DNAH11: variants seen among roughly 807,000 people sequenced by gnomAD.
DNAH11 encodes dynein axonemal heavy chain 11.
Under a neutral mutation model 526.0 loss-of-function variants are expected in DNAH11, and 442 were observed. The observed-to-expected ratio is 0.84, with a 90% CI of 0.78 to 0.91. The LOEUF is 0.91. Ranked by LOEUF, DNAH11 falls within the 40% of genes least tolerant of loss-of-function variation. The pLI, the probability that DNAH11 is intolerant of heterozygous loss-of-function variation, is 0.00. For missense variants in DNAH11, 6,989 were observed against 5,448.7 expected, an observed-to-expected ratio of 1.28 and a Z score of -8.90; for synonymous variants, 2,461 against 1,935.9, an observed-to-expected ratio of 1.27 and a Z score of -7.12.
Position 21,599,919 on chromosome 7 carries a change from A to G in DNAH11, c.2800A>G (p.Thr934Ala). 2 of 1,613,730 alleles carry G rather than the reference A, an allele frequency of 1.2e-6. No individual in the cohort carries two copies. The highest frequency in any genetic ancestry group is 1.6e-4 in the Middle Eastern group (1 of 6,062). Residue 934 changes from threonine to alanine, a missense_variant, in exon 15 of 82, where the codon ACA (threonine) becomes GCA (alanine). Coordinates refer to ENST00000409508, the MANE Select transcript of DNAH11 (RefSeq NM_001277115.2). ...MHDLDFFLKN[T>A]EKQLKPAPFF... ...CGACTTAGACTTCTTTCTGAAGAAT[A>G]CAGAGAAACAATTGAAACCGGCACC...
At chr7:21,662,705 C>T (rs570274630) in intron 30 of DNAH11, among the ~76,000 whole-genome samples, 136 of 152,062 alleles carry the variant, frequency 8.9e-4, no homozygotes, top group Middle Eastern at 3.2e-3. Context: ...ACCTCTTGAA[C>T]TTATTCCTCC....
intron 8 of DNAH11, among the ~76,000 whole-genome samples, chr7:21,579,151 A>G (rs1034874422): frequency 6.6e-6 from 1 of 152,192 alleles, no homozygotes; most frequent in Non-Finnish European, 1.5e-5. Flanking sequence ...AAGTCAAACC[A>G]TGGCTTTTCT....
intron 63 of DNAH11, among the ~76,000 whole-genome samples, chr7:21,815,079 G>C (rs1010115986): frequency 1.3e-5 from 2 of 152,070 alleles, no homozygotes; most frequent in Non-Finnish European, 2.9e-5. Context: ...CAGGAAAAAA[G>C]GGGGAGATTG....
Position 21,571,800 on chromosome 7 carries a change from A to G in DNAH11, c.1426-6A>G, listed in dbSNP as rs555085923. The G allele has an allele frequency of 1.2e-6, 2 of 1,601,724 alleles. No individual in the cohort carries two copies. The highest frequency in any genetic ancestry group is 1.7e-6 in the Non-Finnish European group (2 of 1,175,500). On this transcript the variant is annotated splice_region_variant and splice_polypyrimidine_tract_variant and intron_variant, in intron 7 of 81. Coordinates refer to ENST00000409508, the MANE Select transcript of DNAH11 (RefSeq NM_001277115.2). ...TGGAAAGGTCTTTACTGTGTTTTTT[A>G]CAAAGGATATATTTGCCACCACTTT...
chr7:21,647,135 G>A (rs920138076), intron 28 of DNAH11, among the ~76,000 whole-genome samples: 3 of 152,126 alleles, frequency 2.0e-5, no homozygotes, highest in African/African-American at 4.8e-5. Context: ...TTCCCAAAGT[G>A]CGGAACAAGA....
chr7:21,824,261 T>C (rs1029358615), intron 65 of DNAH11, among the ~76,000 whole-genome samples: 1 of 152,164 alleles, frequency 6.6e-6, no homozygotes, highest in Non-Finnish European at 1.5e-5. Flanking sequence ...ATTAGACATG[T>C]ATCTGCCATT....
At chr7:21,597,714 C>G (rs547070078) in intron 14 of DNAH11, among the ~76,000 whole-genome samples, 1 of 152,120 alleles carries the variant, frequency 6.6e-6, no homozygotes, top group Non-Finnish European at 1.5e-5. Context: ...GGCCACTCTC[C>G]CAACACATGG....
In DNAH11 at chr7:21,578,040, A is replaced by C. The variant is rs535929148; in HGVS notation, c.1594-3865A>C. Among the ~76,000 whole-genome samples, 222 of 152,174 alleles carry C rather than the reference A, an allele frequency of 1.5e-3. 1 individual carries two copies. The highest frequency in any genetic ancestry group is 2.7e-3 in the Non-Finnish European group (181 of 68,018). On this transcript the variant is annotated intron_variant, in intron 8 of 81. Transcript: ENST00000409508. ...ATAACTGGGAGGCCTCAGGAAACTT[A>C]CAATCATGATGGAAGATGAAGGGGA...
intron 28 of DNAH11, among the ~76,000 whole-genome samples, chr7:21,654,736 TC>T (rs1781936299): frequency 6.6e-6 from 1 of 152,036 alleles, no homozygotes; most frequent in African/African-American, 2.4e-5. Flanking sequence ...TGATACTTCT[TC>T]TGGGCCGCCC....
chr7:21,869,162 C>T (rs566157342), intron 73 of DNAH11, among the ~76,000 whole-genome samples, 171 bp downstream of exon 73: 17 of 152,278 alleles, frequency 1.1e-4, no homozygotes, highest in East Asian at 7.7e-4. Context: ...AGGGGCTCTG[C>T]GGACAGCGAT....
intron 65 of DNAH11, among the ~76,000 whole-genome samples, chr7:21,835,108 G>A (rs1781942297): frequency 6.6e-6 from 1 of 151,010 alleles, no homozygotes; most frequent in Admixed American, 6.7e-5. Context: ...AAATGAGGTT[G>A]AATCAATAGT....
chr7:21,617,546 C>T, intron 22 of DNAH11, 73 bp from the exon 23 acceptor site: 1 of 1,529,442 alleles, frequency 6.5e-7, no homozygotes, highest in Non-Finnish European at 8.9e-7. Flanking sequence ...AAATATATGT[C>T]AAAGGAGGCA....
At chr7:21,848,286 C>A (rs1782498281) in intron 66 of DNAH11, among the ~76,000 whole-genome samples, 1 of 151,854 alleles carries the variant, frequency 6.6e-6, no homozygotes, top group Non-Finnish European at 1.5e-5. Context: ...CTTAATATAG[C>A]CACCCCAGCT....
chr7:21,781,590 T>C (rs1273288118), intron 57 of DNAH11, among the ~76,000 whole-genome samples: 1 of 152,224 alleles, frequency 6.6e-6, no homozygotes, highest in East Asian at 1.9e-4. Context: ...TATCATCTCT[T>C]CAAAAGTTGA....
At chr7:21,553,763 C>A (rs118044964) in intron 2 of DNAH11, among the ~76,000 whole-genome samples, 6,449 of 152,266 alleles carry the variant, frequency 0.042, 197 homozygotes, top group South Asian at 0.065. Flanking sequence ...GGATCTTGAT[C>A]TAACCTTTTT....
Position 21,901,767 on chromosome 7 carries a change from C to CA in DNAH11, c.*514dup, listed in dbSNP as rs1784877642. On this transcript the variant is annotated 3_prime_UTR_variant, in exon 82 of 82. Transcript: ENST00000409508. ...AGCACTCTGTAAGGCCTCCAGTGTC[C>CA]AGTGTCTACAATGTTGATGGTCCCC... 1 of 129,492 alleles carries CA rather than the reference C, an allele frequency of 7.7e-6. No individual in the cohort carries two copies. The highest frequency in any genetic ancestry group is 1.8e-5 in the Non-Finnish European group (1 of 56,946). The allele number at this position is 129,492 out of a possible 1,614,324, so 8.0% of individuals were successfully genotyped here. A position where few individuals can be genotyped will look rare whatever the true frequency, so the allele number is the denominator to read the frequency against.
intron 25 of DNAH11, among the ~76,000 whole-genome samples, chr7:21,634,389 C>G (rs930851112): frequency 1.3e-5 from 2 of 152,120 alleles, no homozygotes; most frequent in African/African-American, 4.8e-5. Flanking sequence ...AGAGAGTGGT[C>G]AGAGAAATGC....
intron 2 of DNAH11, among the ~76,000 whole-genome samples, chr7:21,549,498 G>C (rs1022356895): frequency 6.6e-6 from 1 of 152,158 alleles, no homozygotes; most frequent in Non-Finnish European, 1.5e-5. Flanking sequence ...AGGCAAATGG[G>C]GGGGTTGAGT....
At chr7:21,543,748 C>G (rs1025065480) in intron 1 of DNAH11, 152 bp downstream of exon 1, 4 of 749,118 alleles carry the variant, frequency 5.3e-6, no homozygotes, top group Admixed American at 2.9e-5. Context: ...CGCAGGACTC[C>G]TCCCCACGTG....
Sources: gnomAD v4.1 joint callset for allele counts (sites outside exome capture counted in the v4.1 genomes callset) on GRCh38, gnomAD v4.1.1 for gene constraint, MANE v1.5 for transcripts, NCBI Gene and HGNC (gene_info 2026-07-23, HGNC 2026-07-21) for gene names.